The following KIF3A variants were observed in gnomAD, a reference collection of about 807,000 sequenced individuals.
KIF3A encodes the protein kinesin-like protein KIF3A.
In KIF3A, 27 loss-of-function variants were observed where a neutral mutation model predicts 92.6. The ratio of observed to expected loss-of-function variants is 0.29; its 90% CI spans 0.21 to 0.40. The LOEUF is 0.40. KIF3A is among the 10% of genes least tolerant of loss of function. The probability of loss-of-function intolerance (pLI) is 1.00; values close to 1 mark genes in which losing one functional copy is unlikely to be tolerated. For missense variants in KIF3A, 581 were observed against 872.6 expected, an observed-to-expected ratio of 0.67 and a Z score of 4.21; for synonymous variants, 250 against 275.4, an observed-to-expected ratio of 0.91 and a Z score of 0.92.
intron 2 of KIF3A, among the ~76,000 whole-genome samples, chr5:132,732,277 C>G (rs552404594): frequency 6.6e-6 from 1 of 152,134 alleles, no homozygotes; most frequent in Non-Finnish European, 1.5e-5. Context: ...AAACATTAAA[C>G]AAAGTTACCA....
rs1753640597 is a variant in KIF3A, at chr5:132,716,791, A to C, written c.756+54T>G. On this transcript the variant is annotated intron_variant, in intron 6 of 18. Transcript: ENST00000403231. ...TCACTTTAATTTTCATTCATTTATAAAATAAATGGATCACAAGAAAGAGTT... is the reference window on the plus strand; with the variant it reads ...TCACTTTAATTTTCATTCATTTATACAATAAATGGATCACAAGAAAGAGTT... 68 of 1,552,436 alleles carry C rather than the reference A, an allele frequency of 4.4e-5. 2 individuals are homozygous for C. In the South Asian group the frequency reaches 7.8e-4, roughly 18 times the overall value.
downstream of KIF3A, among the ~76,000 whole-genome samples, chr5:132,692,105 C>T (rs1752680900): frequency 6.6e-6 from 1 of 152,054 alleles, no homozygotes; most frequent in Non-Finnish European, 1.5e-5. Flanking sequence ...TGAATGAGAT[C>T]ATGTCTTTTG....
At chr5:132,735,505 GAAAC>G (rs1754361923) in intron 1 of KIF3A, among the ~76,000 whole-genome samples, 2 of 152,266 alleles carry the variant, frequency 1.3e-5, no homozygotes, top group South Asian at 2.1e-4. Context: ...GCATTGAAGA[GAAAC>G]AAATATGAGT....
intron 5 of KIF3A, among the ~76,000 whole-genome samples, chr5:132,719,308 A>G (rs991763956): frequency 6.6e-6 from 1 of 152,218 alleles, no homozygotes; most frequent in African/African-American, 2.4e-5. Context: ...TTCTTCTACG[A>G]ATAACATACA....
Position 132,737,486 on chromosome 5 carries a change from A to C in KIF3A, c.-67T>G. Reference sequence around the variant, plus strand: ...TGCAGCCCAGCGACACCGGGTGCGCAGAAAGGATGGCCAGAGACTACCGAA... The same window carrying C: ...TGCAGCCCAGCGACACCGGGTGCGCCGAAAGGATGGCCAGAGACTACCGAA... On this transcript the variant is annotated 5_prime_UTR_variant, in exon 1 of 19. Coordinates refer to ENST00000403231, the MANE Select transcript of KIF3A (RefSeq NM_001300791.2). 6.3e-7 allele frequency: 1 copy of C among 1,578,444 alleles called. No individual in the cohort carries two copies. The highest frequency in any genetic ancestry group is 8.6e-7 in the Non-Finnish European group (1 of 1,159,786).
chr5:132,724,845 ATATATATATATT>A lies in KIF3A; in HGVS notation c.510+1271_510+1282del, dbSNP rs1294174545. Among the ~76,000 whole-genome samples the A allele has an allele frequency of 4.4e-4, 14 of 32,096 alleles. No individual in the cohort carries two copies. In the South Asian group the frequency reaches 6.5e-3, roughly 15 times the overall value. 21.1% of individuals were successfully genotyped at this position (32,096 alleles called of 152,430 possible). On this transcript the variant is annotated intron_variant, in intron 4 of 18. Transcript: ENST00000403231. ...TATATATATATATATATATATATAT[ATATATATATATT>A]AAAAAATCATTCTAAGAAAGGGATT... is the stretch of plus-strand genomic sequence containing the variant.
At chr5:132,698,397 C>T (rs1161921210) in intron 18 of KIF3A, among the ~76,000 whole-genome samples, 2 of 152,124 alleles carry the variant, frequency 1.3e-5, no homozygotes, top group Non-Finnish European at 2.9e-5. Flanking sequence ...TACACGCAGA[C>T]TACCCAACAG....
chr5:132,698,380 G>A (rs1230562329), intron 18 of KIF3A, among the ~76,000 whole-genome samples: 2 of 152,152 alleles, frequency 1.3e-5, no homozygotes, highest in African/African-American at 4.8e-5. Flanking sequence ...CTGAGCTTAT[G>A]TGATGATACA....
intron 5 of KIF3A, 44 bp downstream of exon 5, chr5:132,720,565 A>G (rs747153876): frequency 7.8e-7 from 1 of 1,287,066 alleles, no homozygotes; most frequent in Non-Finnish European, 1.1e-6. Context: ...AAACCAGCCT[A>G]CTCAACACAC....
At chr5:132,702,841 T>C in intron 13 of KIF3A, 44 bp downstream of exon 13, 1 of 1,578,866 alleles carries the variant, frequency 6.3e-7, no homozygotes, top group Non-Finnish European at 8.6e-7. Flanking sequence ...AAAAGTTAAA[T>C]CTCTCTGGCA....
At chr5:132,736,261 A>G (rs945046376) in intron 1 of KIF3A, among the ~76,000 whole-genome samples, 4 of 152,250 alleles carry the variant, frequency 2.6e-5, no homozygotes, top group African/African-American at 7.2e-5. Context: ...GAGCTTTTGA[A>G]TTAGTTGCTA....
At chr5:132,731,559 C>T (rs1249480126) in intron 2 of KIF3A, among the ~76,000 whole-genome samples, 1 of 152,144 alleles carries the variant, frequency 6.6e-6, no homozygotes. Context: ...AGAATGAATG[C>T]ATTTTCCCTA....
chr5:132,737,510 A>G lies in KIF3A; in HGVS notation c.-91T>C, dbSNP rs142072284. On this transcript the variant is annotated 5_prime_UTR_variant, in exon 1 of 19. Coordinates refer to ENST00000403231, the MANE Select transcript of KIF3A (RefSeq NM_001300791.2). ...CAGAAAGGATGGCCAGAGACTACCGAAACACCTCGTTGACGCTCTCGAGAC... is the reference window on the plus strand; with the variant it reads ...CAGAAAGGATGGCCAGAGACTACCGGAACACCTCGTTGACGCTCTCGAGAC... 5.9e-5 allele frequency: 87 copies of G among 1,470,536 alleles called. No individual in the cohort carries two copies. In the East Asian group the frequency reaches 2.1e-3, roughly 35 times the overall value. The allele number at this position is 1,470,536 out of a possible 1,614,324, so 91.1% of individuals were successfully genotyped here. A position where few individuals can be genotyped will look rare whatever the true frequency, so the allele number is the denominator to read the frequency against.
intron 2 of KIF3A, among the ~76,000 whole-genome samples, chr5:132,729,319 G>C: frequency 6.6e-6 from 1 of 151,890 alleles, no homozygotes. Flanking sequence ...AGACATGGTG[G>C]GATGCTCCTG....
In KIF3A at chr5:132,702,879, C is replaced by T. The variant is rs368391268; in HGVS notation, c.1647+6G>A. 180 of 1,611,734 alleles carry T rather than the reference C, an allele frequency of 1.1e-4. No homozygotes were observed. Among genetic ancestry groups the T allele is most frequent in the Middle Eastern group, 6.6e-4 (4 of 6,056 alleles). Reference sequence around the variant, plus strand: ...ATACCAAACTAAAAACAGAAAGTCACATTACCTCTTTTTCCTCAAGTTCTC... The same window carrying T: ...ATACCAAACTAAAAACAGAAAGTCATATTACCTCTTTTTCCTCAAGTTCTC... On this transcript the variant is annotated splice_donor_region_variant and intron_variant, in intron 13 of 18. Coordinates refer to ENST00000403231, the MANE Select transcript of KIF3A (RefSeq NM_001300791.2).
Position 132,715,771 on chromosome 5 carries a change from T to C in KIF3A, c.1115A>G (p.Lys372Arg), listed in dbSNP as rs1753598973. The C allele has an allele frequency of 6.2e-7, 1 of 1,606,476 alleles. No homozygotes were observed. The highest frequency in any genetic ancestry group is 8.5e-7 in the Non-Finnish European group (1 of 1,177,500). Residue 372 changes from lysine to arginine, a missense_variant, in exon 8 of 19, where the codon AAG becomes AGG. Physicochemically the swap from Lys to Arg is conservative, Grantham distance 26 (BLOSUM62 2). This residue lies in a region of KIF3A where 167 missense variants were observed against 205.8 expected (regional missense o/e 0.81). Transcript: ENST00000403231. Reference protein sequence around the residue: ...QFQKEIEELKKKLEEGEEISG... With the variant: ...QFQKEIEELKRKLEEGEEISG... ...GGAAAAGCTACCTTCTTCAAGCTTC[T>C]TTTTCAGTTCTTCTATTTCTTTCTG...
chr5:132,689,574 G>C (rs944395598), downstream of KIF3A: 8 of 152,214 alleles, frequency 5.3e-5, no homozygotes, highest in African/African-American at 1.7e-4. Flanking sequence ...TAATAATCTG[G>C]TACTTAGCTT....
chr5:132,717,947 G>C, intron 5 of KIF3A, among the ~76,000 whole-genome samples: 1 of 151,944 alleles, frequency 6.6e-6, no homozygotes, highest in East Asian at 1.9e-4. Context: ...ATGAAATCTT[G>C]TGTTAAAATT....
intron 2 of KIF3A, among the ~76,000 whole-genome samples, chr5:132,730,859 T>C (rs1189603810): frequency 6.7e-6 from 1 of 149,688 alleles, no homozygotes; most frequent in Non-Finnish European, 1.5e-5. Flanking sequence ...TAGCCTCAGC[T>C]ACTGGGGAGG....
Sources: gnomAD v4.1 joint callset for allele counts (sites outside exome capture counted in the v4.1 genomes callset) on GRCh38, gnomAD v4.1.1 for gene constraint, gnomAD v4.1.1 regional missense constraint, MANE v1.5 for transcripts, NCBI Gene and HGNC (gene_info 2026-07-23, HGNC 2026-07-21) for gene names.